ZNF385D: variants seen among roughly 807,000 people sequenced by gnomAD.
ZNF385D encodes the protein zinc finger protein 385D, also known as zinc finger protein 659.
In ZNF385D, 15 loss-of-function variants were observed where a neutral mutation model predicts 35.8. The observed-to-expected ratio is 0.42, with a 90% CI of 0.28 to 0.64. ZNF385D has a LOEUF of 0.64. ZNF385D is among the 30% of genes least tolerant of loss of function. ZNF385D has a pLI of 0.23. For missense variants in ZNF385D, 474 were observed against 494.6 expected, an observed-to-expected ratio of 0.96 and a Z score of 0.39; for synonymous variants, 212 against 186.8, an observed-to-expected ratio of 1.13 and a Z score of -1.10.
chr3:22,332,531 A>C (rs1694986437), intron 2 of ZNF385D, among the ~76,000 whole-genome samples: 1 of 152,208 alleles, frequency 6.6e-6, no homozygotes, highest in South Asian at 2.1e-4. Context: ...TTTGTATTAA[A>C]AGACAATAGG....
At chr3:22,253,581 T>C (rs1042180638) in intron 2 of ZNF385D, among the ~76,000 whole-genome samples, 1 of 151,986 alleles carries the variant, frequency 6.6e-6, no homozygotes, top group African/African-American at 2.4e-5. Flanking sequence ...CATGACATGA[T>C]AGGACTCACC....
chr3:21,879,666 G>A (rs1575825900), intron 3 of ZNF385D, among the ~76,000 whole-genome samples: 1 of 151,954 alleles, frequency 6.6e-6, no homozygotes, highest in East Asian at 1.9e-4. Context: ...ACAGAGGTCA[G>A]GAATCACTAA....
rs541876347 is a variant in ZNF385D at position 21,737,503 on chromosome 3, G to A, written c.22+13392C>T. On this transcript the variant is annotated intron_variant, in intron 1 of 7. Coordinates refer to ENST00000281523, the MANE Select transcript of ZNF385D (RefSeq NM_024697.3). ...CACACACACACATACACATAAGATA[G>A]ATAGATACGTATGTATACGAAATAT... 2.7e-4 allele frequency among the ~76,000 whole-genome samples: 41 copies of A among 151,612 alleles called. 2 individuals are homozygous for A. In the South Asian group the frequency reaches 8.3e-3, roughly 31 times the overall value.
intron 3 of ZNF385D, among the ~76,000 whole-genome samples, chr3:21,530,493 T>C (rs890821074): frequency 6.6e-6 from 1 of 152,188 alleles, no homozygotes; most frequent in African/African-American, 2.4e-5. Context: ...CCCAGATTCA[T>C]GCTCTTTGGG....
intron 3 of ZNF385D, among the ~76,000 whole-genome samples, chr3:21,939,753 G>A (rs1428031846): frequency 1.3e-5 from 2 of 152,172 alleles, no homozygotes; most frequent in Non-Finnish European, 2.9e-5. Flanking sequence ...GTAGGCTGAA[G>A]GTTTTAAGCA....
intron 2 of ZNF385D, among the ~76,000 whole-genome samples, chr3:22,345,525 T>C (rs77326371): frequency 0.031 from 4,662 of 152,324 alleles, 221 homozygotes; most frequent in African/African-American, 0.097. Context: ...AATGGAGATA[T>C]ACAAGACAGG....
chr3:21,908,873 T>C (rs896580286), intron 3 of ZNF385D, among the ~76,000 whole-genome samples: 2 of 152,128 alleles, frequency 1.3e-5, no homozygotes, highest in African/African-American at 4.8e-5. Context: ...ATTTCAGCTG[T>C]TAAAAATGTT....
chr3:22,139,155 A>G, intron 3 of ZNF385D, among the ~76,000 whole-genome samples: 1 of 152,122 alleles, frequency 6.6e-6, no homozygotes. Context: ...GAACACTTTT[A>G]CACTGTTGGT....
At chr3:21,855,058 GGCT>G in intron 3 of ZNF385D, among the ~76,000 whole-genome samples, 2 of 151,808 alleles carry the variant, frequency 1.3e-5, no homozygotes, top group South Asian at 4.2e-4. Context: ...ATTCTTACTT[GGCT>G]TTTCTCAGTG....
intron 3 of ZNF385D, among the ~76,000 whole-genome samples, chr3:22,164,463 G>A (rs954673770): frequency 2.6e-5 from 4 of 151,612 alleles, no homozygotes; most frequent in Admixed American, 6.6e-5. Flanking sequence ...TCTTGACCTC[G>A]TGATCTGGCC....
Position 21,564,228 on chromosome 3 carries a change from G to A in ZNF385D, c.276+346C>T, listed in dbSNP as rs966437078. ...ATGATTTGGTACCTATCTTATTTCA[G>A]AGTGTAACCTATTAAAAGTTCCATT... On this transcript the variant is annotated intron_variant, in intron 3 of 7. Coordinates refer to ENST00000281523, the MANE Select transcript of ZNF385D (RefSeq NM_024697.3). 3.3e-5 allele frequency among the ~76,000 whole-genome samples: 5 copies of A among 152,100 alleles called. No individual in the cohort carries two copies. The South Asian group carries it at 1.0e-3, about 32-fold the overall frequency.
intron 1 of ZNF385D, among the ~76,000 whole-genome samples, chr3:21,697,780 GAAC>G (rs1173302418): frequency 2.0e-5 from 3 of 151,420 alleles, no homozygotes; most frequent in Admixed American, 6.6e-5. Flanking sequence ...AATAGAAAGT[GAAC>G]AACTGACATA....
At chr3:21,808,937 T>G (rs2072776846) in intron 3 of ZNF385D, among the ~76,000 whole-genome samples, 2 of 152,192 alleles carry the variant, frequency 1.3e-5, no homozygotes, top group Non-Finnish European at 2.9e-5. Context: ...ACATTTGAAC[T>G]ACAGTTCTCG....
At chr3:21,825,675 C>T (rs1559662694) in intron 3 of ZNF385D, among the ~76,000 whole-genome samples, 2 of 152,176 alleles carry the variant, frequency 1.3e-5, no homozygotes, top group African/African-American at 4.8e-5. Flanking sequence ...AAGAGAGGGA[C>T]GCTGTGGAAA....
intron 3 of ZNF385D, among the ~76,000 whole-genome samples, chr3:21,812,586 C>G (rs1381881688): frequency 6.6e-6 from 1 of 152,210 alleles, no homozygotes; most frequent in Non-Finnish European, 1.5e-5. Context: ...GCCCACGGAG[C>G]CTTGCTCACT....
intron 2 of ZNF385D, among the ~76,000 whole-genome samples, chr3:22,172,957 A>G (rs575481870): frequency 6.6e-6 from 1 of 152,320 alleles, no homozygotes; most frequent in African/African-American, 2.4e-5. Context: ...AAGTAGCTTT[A>G]TAGTGAAGAA....
intron 2 of ZNF385D, among the ~76,000 whole-genome samples, chr3:22,246,709 T>A (rs1164982745): frequency 2.0e-5 from 3 of 152,120 alleles, no homozygotes; most frequent in African/African-American, 7.2e-5. Context: ...TATTGCATTT[T>A]TTATTCTTAT....
chr3:21,414,716 T>C lies in ZNF385D; in HGVS notation c.*6498A>G, dbSNP rs1182674729. ...TAGTGAAGCCAACAACTGTGTTCAC[T>C]GTTCTGTGATGCTCGATCTTGTGCC... is the stretch of plus-strand genomic sequence containing the variant. On this transcript the variant is annotated 3_prime_UTR_variant, in exon 8 of 8. Transcript: ENST00000281523. 6.6e-6 allele frequency: 1 copy of C among 152,168 alleles called. No homozygotes were observed. Among genetic ancestry groups the C allele is most frequent in the Non-Finnish European group, 1.5e-5 (1 of 68,006 alleles). 9.4% of individuals were successfully genotyped at this position (152,168 alleles called of 1,614,324 possible). A position where few individuals can be genotyped will look rare whatever the true frequency, so the allele number is the denominator to read the frequency against.
At chr3:21,435,335 G>T (rs1701496440) in intron 5 of ZNF385D, among the ~76,000 whole-genome samples, 1 of 131,832 alleles carries the variant, frequency 7.6e-6, no homozygotes, top group Non-Finnish European at 1.5e-5. Flanking sequence ...ATGGCTCATT[G>T]TAGCCTCAAC....
Sources: gnomAD v4.1 joint callset for allele counts (sites outside exome capture counted in the v4.1 genomes callset) on GRCh38, gnomAD v4.1.1 for gene constraint, MANE v1.5 for transcripts, NCBI Gene and HGNC (gene_info 2026-07-23, HGNC 2026-07-21) for gene names.